Variants in BABAM2 observed in about 807,000 individuals in gnomAD.
The protein encoded by BABAM2 is BRISC and BRCA1-A complex member 2.
BABAM2 carries 31 observed loss-of-function variants against 54.7 expected under a neutral mutation model. The observed-to-expected ratio is 0.57, with a 90% CI of 0.43 to 0.77. BABAM2 has a LOEUF of 0.77. Among genes scored for constraint, BABAM2 ranks in the 30% least tolerant of loss-of-function variants. BABAM2 has a pLI of 0.00. For missense variants in BABAM2, 364 were observed against 455.8 expected (o/e 0.80, Z 1.83); for synonymous variants, 167 against 162.9 (o/e 1.03, Z -0.19).
intron 3 of BABAM2, among the ~76,000 whole-genome samples, chr2:27,935,161 T>A (rs964904648): frequency 1.3e-5 from 2 of 152,174 alleles, no homozygotes; most frequent in African/African-American, 4.8e-5. Context: ...AGTGACTAAT[T>A]TGAAGCCAAG....
Position 28,261,769 on chromosome 2 carries a change from C to T in BABAM2, c.934+16907C>T, listed in dbSNP as rs189758287. On this transcript the variant is annotated intron_variant, in intron 10 of 11. Coordinates refer to ENST00000379624, the MANE Select transcript of BABAM2 (RefSeq NM_199191.3). Reference sequence around the variant, plus strand: ...CTCTCCCCTCCCCTCTCCTCCTTTCCCCTCCCCTCCCCTCCCCTTCCCTTC... The same window carrying T: ...CTCTCCCCTCCCCTCTCCTCCTTTCTCCTCCCCTCCCCTCCCCTTCCCTTC... Among the ~76,000 whole-genome samples, 224 of 149,310 alleles carry T rather than the reference C, an allele frequency of 1.5e-3. 2 individuals are homozygous for T. Among genetic ancestry groups the T allele is most frequent in the African/African-American group, 5.3e-3 (216 of 40,466 alleles).
intron 4 of BABAM2, among the ~76,000 whole-genome samples, chr2:28,001,820 C>A (rs1673600585): frequency 6.6e-6 from 1 of 152,050 alleles, no homozygotes; most frequent in Admixed American, 6.6e-5. Context: ...AGAACTCACT[C>A]ATTACCATGA....
intron 7 of BABAM2, among the ~76,000 whole-genome samples, chr2:28,179,002 T>C (rs978838781): frequency 6.6e-6 from 1 of 151,850 alleles, no homozygotes; most frequent in African/African-American, 2.4e-5. Context: ...TAATAAAAAC[T>C]CTCCCAACAA....
At chr2:28,225,950 A>G (rs1680843516) in intron 7 of BABAM2, among the ~76,000 whole-genome samples, 1 of 152,118 alleles carries the variant, frequency 6.6e-6, no homozygotes, top group African/African-American at 2.4e-5. Context: ...GAACTGTCAA[A>G]TATTTCTATA....
chr2:28,337,937 TG>T (rs1691612881), intron 11 of BABAM2, among the ~76,000 whole-genome samples: 1 of 152,202 alleles, frequency 6.6e-6, no homozygotes, highest in Non-Finnish European at 1.5e-5. Context: ...CAGTGTGCTG[TG>T]GTTGGACCAC....
intron 6 of BABAM2, among the ~76,000 whole-genome samples, chr2:28,102,141 C>T (rs1176414631): frequency 6.6e-6 from 1 of 152,204 alleles, no homozygotes; most frequent in African/African-American, 2.4e-5. Context: ...AGCTTGTTCA[C>T]CAGTTGTTCC....
At chr2:27,990,540 A>G (rs1672707833) in intron 4 of BABAM2, among the ~76,000 whole-genome samples, 1 of 152,016 alleles carries the variant, frequency 6.6e-6, no homozygotes, top group Non-Finnish European at 1.5e-5. Context: ...GATTTCTTGG[A>G]TTTTTCCTGA....
At chr2:28,237,169 A>C in intron 7 of BABAM2, 33 bp from the exon 8 acceptor site, 3 of 1,575,944 alleles carry the variant, frequency 1.9e-6, no homozygotes, top group Non-Finnish European at 2.6e-6. Flanking sequence ...TTGAGCCCTA[A>C]GAGAAGTGTC....
At chr2:27,923,420 A>C (rs1178087036) in intron 2 of BABAM2, among the ~76,000 whole-genome samples, 1 of 151,852 alleles carries the variant, frequency 6.6e-6, no homozygotes, top group Non-Finnish European at 1.5e-5. Flanking sequence ...GGAATTCGAG[A>C]CCAGCCTGGG....
chr2:27,991,636 TA>T (rs1672779330), intron 4 of BABAM2, among the ~76,000 whole-genome samples: 1 of 152,234 alleles, frequency 6.6e-6, no homozygotes, highest in South Asian at 2.1e-4. Context: ...ACATTACATA[TA>T]AATGGAATCA....
chr2:28,017,730 G>T (rs1272781368), intron 4 of BABAM2, among the ~76,000 whole-genome samples: 3 of 152,184 alleles, frequency 2.0e-5, no homozygotes, highest in African/African-American at 4.8e-5. Context: ...TGTCCCTATA[G>T]ATTTGGCTTT....
At chr2:28,058,655 A>G (rs1678620063) in intron 6 of BABAM2, among the ~76,000 whole-genome samples, 1 of 151,954 alleles carries the variant, frequency 6.6e-6, no homozygotes, top group South Asian at 2.1e-4. Flanking sequence ...AGGGGAGAGG[A>G]AAGGTGCCAG....
intron 2 of BABAM2, among the ~76,000 whole-genome samples, chr2:27,920,086 A>G (rs1667241936): frequency 6.6e-6 from 1 of 152,192 alleles, no homozygotes; most frequent in African/African-American, 2.4e-5. Context: ...GATAGAATGT[A>G]CTTGATGTAT....
At chr2:28,291,095 C>G (rs1687246910) in intron 10 of BABAM2, among the ~76,000 whole-genome samples, 1 of 152,048 alleles carries the variant, frequency 6.6e-6, no homozygotes, top group Non-Finnish European at 1.5e-5. Context: ...AATTATTATC[C>G]TCATTTTACA....
At chr2:28,089,453 C>T (rs965463361) in intron 6 of BABAM2, among the ~76,000 whole-genome samples, 1 of 152,188 alleles carries the variant, frequency 6.6e-6, no homozygotes, top group Non-Finnish European at 1.5e-5. Flanking sequence ...ACAACTTTAG[C>T]ACCTGATTTT....
chr2:28,077,495 T>TGG (rs1664791902), intron 6 of BABAM2, among the ~76,000 whole-genome samples: 1 of 152,182 alleles, frequency 6.6e-6, no homozygotes, highest in South Asian at 2.1e-4. Context: ...TTCTAGAACT[T>TGG]CTAAGGATAA....
chr2:28,287,693 T>G (rs1686939581), intron 10 of BABAM2, among the ~76,000 whole-genome samples: 2 of 151,550 alleles, frequency 1.3e-5, no homozygotes, highest in East Asian at 1.9e-4. Context: ...CATCACAGAG[T>G]TGGAAGCAAT....
chr2:27,942,928 C>T (rs1017863001), intron 3 of BABAM2, among the ~76,000 whole-genome samples: 2 of 151,910 alleles, frequency 1.3e-5, no homozygotes, highest in African/African-American at 4.8e-5. Context: ...CTCAGCCTCC[C>T]GAGTAGCTGG....
At chr2:27,902,741 CT>C (rs925523136) in intron 2 of BABAM2, among the ~76,000 whole-genome samples, 55 of 152,214 alleles carry the variant, frequency 3.6e-4, no homozygotes, top group African/African-American at 1.3e-3. Flanking sequence ...GGATACTGAT[CT>C]TTTGGTAATT....
Sources: gnomAD v4.1 joint callset for allele counts (sites outside exome capture counted in the v4.1 genomes callset) on GRCh38, gnomAD v4.1.1 for gene constraint, MANE v1.5 for transcripts, NCBI Gene and HGNC (gene_info 2026-07-23, HGNC 2026-07-21) for gene names.